TTC7B: variants seen among roughly 807,000 people sequenced by gnomAD.
The protein encoded by TTC7B is tetratricopeptide repeat protein 7B.
Under a neutral mutation model 106.8 loss-of-function variants are expected in TTC7B, and 28 were observed. That is an observed-to-expected ratio of 0.26 (90% CI 0.19 to 0.36). The LOEUF (loss-of-function observed/expected upper bound fraction) is 0.36. Among genes scored for constraint, TTC7B ranks in the 10% least tolerant of loss-of-function variants. The probability of loss-of-function intolerance (pLI) is 1.00; values close to 1 mark genes in which losing one functional copy is unlikely to be tolerated. For synonymous variants in TTC7B, 405 were observed against 430.6 expected, an observed-to-expected ratio of 0.94 and a Z score of 0.74; for missense variants, 862 against 1,076.4, an observed-to-expected ratio of 0.80 and a Z score of 2.79.
At position 90,525,205 on chromosome 14, in the gene TTC7B, C is replaced by T. The variant is rs919914932; in HGVS notation, c.*16163G>A. On this transcript the variant is annotated 3_prime_UTR_variant, in exon 20 of 20. Transcript: ENST00000328459. The stretch of plus-strand genomic sequence containing the variant: ...TTTCTATAAATGGAATCACACAGCA[C>T]GTTCTTTTTTGACTGGCTCCTTCAA... 5 of 152,086 alleles carry T rather than the reference C, an allele frequency of 3.3e-5. No individual in the cohort carries two copies. The highest frequency in any genetic ancestry group is 7.2e-5 in the African/African-American group (3 of 41,386). 9.4% of individuals were successfully genotyped at this position (152,086 alleles called of 1,614,324 possible). A position where few individuals can be genotyped will look rare whatever the true frequency, so the allele number is the denominator to read the frequency against.
intron 5 of TTC7B, among the ~76,000 whole-genome samples, chr14:90,726,038 C>T (rs777612549): frequency 6.6e-6 from 1 of 152,166 alleles, no homozygotes; most frequent in Non-Finnish European, 1.5e-5. Context: ...CCCAGGAGTT[C>T]GAGGCTGCAG....
chr14:90,708,199 T>C (rs1888293482), intron 5 of TTC7B, among the ~76,000 whole-genome samples: 1 of 145,934 alleles, frequency 6.9e-6, no homozygotes, highest in Admixed American at 6.8e-5. Context: ...AGTGTTGATA[T>C]AGAAGCTACA....
chr14:90,603,771 TG>T (rs1233937721), intron 17 of TTC7B, among the ~76,000 whole-genome samples: 3 of 152,194 alleles, frequency 2.0e-5, no homozygotes. Context: ...ACGGAAAAGT[TG>T]GGACTTAAAA....
At chr14:90,546,610 C>T (rs1889843097) in intron 19 of TTC7B, among the ~76,000 whole-genome samples, 1 of 152,250 alleles carries the variant, frequency 6.6e-6, no homozygotes, top group South Asian at 2.1e-4. Flanking sequence ...CAAGCAGCCA[C>T]ACTGCCCCCA....
chr14:90,736,167 TAC>T (rs1555394640), intron 4 of TTC7B, among the ~76,000 whole-genome samples: 37 of 152,194 alleles, frequency 2.4e-4, no homozygotes, highest in African/African-American at 7.9e-4. Flanking sequence ...TATATATATA[TAC>T]CACAATGAAC....
At chr14:90,551,236 T>G (rs557011797) in intron 19 of TTC7B, among the ~76,000 whole-genome samples, 1 of 152,310 alleles carries the variant, frequency 6.6e-6, no homozygotes, top group African/African-American at 2.4e-5. Flanking sequence ...GGGCTGAGTC[T>G]GGAAAGCCTG....
At chr14:90,626,373 T>C (rs1884441491) in intron 15 of TTC7B, among the ~76,000 whole-genome samples, 1 of 152,182 alleles carries the variant, frequency 6.6e-6, no homozygotes, top group Admixed American at 6.5e-5. Flanking sequence ...AACAGAATGC[T>C]TCCTTCCTTC....
At chr14:90,712,734 C>CT (rs138131556) in intron 5 of TTC7B, among the ~76,000 whole-genome samples, 3,009 of 149,072 alleles carry the variant, frequency 0.02, 93 homozygotes, top group African/African-American at 0.071. Flanking sequence ...CGCTGGCAGG[C>CT]TTTTTTTTTT....
At chr14:90,629,805 C>T (rs1304335102) in intron 15 of TTC7B, among the ~76,000 whole-genome samples, 1 of 152,260 alleles carries the variant, frequency 6.6e-6, no homozygotes, top group Non-Finnish European at 1.5e-5. Context: ...CCTCTCCCAG[C>T]TGCTCGGCTT....
In TTC7B at chr14:90,793,161, C is replaced by T. The variant is rs186823958; in HGVS notation, c.122-6833G>A. Among the ~76,000 whole-genome samples the T allele has an allele frequency of 5.9e-5, 9 of 152,236 alleles. No individual in the cohort carries two copies. The East Asian group carries it at 1.4e-3, about 23-fold the overall frequency. On this transcript the variant is annotated intron_variant, in intron 1 of 19. Transcript: ENST00000328459. ...CCTTCTGAAGAAAGTCCTTGCTTCC[C>T]ATTTACCTTCCACCATGACTGTGAG...
chr14:90,542,196 C>T (rs1355104806), intron 19 of TTC7B, among the ~76,000 whole-genome samples: 1 of 152,184 alleles, frequency 6.6e-6, no homozygotes, highest in Non-Finnish European at 1.5e-5. Flanking sequence ...ACCTCGGCCT[C>T]CCAAAGTGCT....
chr14:90,635,921 A>G (rs572983308), intron 15 of TTC7B, among the ~76,000 whole-genome samples: 1 of 152,088 alleles, frequency 6.6e-6, no homozygotes, highest in East Asian at 1.9e-4. Flanking sequence ...GGAGTTCGAG[A>G]CCAGCCTGGC....
At chr14:90,786,673 G>A (rs1408714095) in intron 1 of TTC7B, among the ~76,000 whole-genome samples, 5 of 151,922 alleles carry the variant, frequency 3.3e-5, no homozygotes, top group African/African-American at 9.7e-5. Context: ...TCCACCTCCC[G>A]GGTTCAAGCG....
intron 3 of TTC7B, among the ~76,000 whole-genome samples, chr14:90,755,529 C>CAGCT (rs1162980518): frequency 1.3e-5 from 2 of 152,034 alleles, no homozygotes; most frequent in African/African-American, 4.8e-5. Context: ...CATGGTAGTG[C>CAGCT]ACACATGTAG....
At chr14:90,546,538 C>T (rs993562490) in intron 19 of TTC7B, among the ~76,000 whole-genome samples, 2 of 152,174 alleles carry the variant, frequency 1.3e-5, no homozygotes, top group Non-Finnish European at 2.9e-5. Flanking sequence ...CAGCTTGGGG[C>T]CTTCCTGCTA....
chr14:90,780,892 T>G lies in TTC7B; in HGVS notation c.291A>C (p.Gln97His). The G allele has an allele frequency of 6.2e-7, 1 of 1,614,156 alleles. No homozygotes were observed. Among genetic ancestry groups the G allele is most frequent in the Non-Finnish European group, 8.5e-7 (1 of 1,179,990 alleles). Residue 97 changes from glutamine to histidine, a missense_variant, in exon 3 of 20, where the codon CAA becomes CAC. Gln to His is a conservative substitution (Grantham distance 24). Transcript: ENST00000328459. ...ACTTGGCCATGATCAGATTGGATTC[T>G]TGTAGGAATTCTGACTAGAAGCAAA... Reference protein sequence around the residue: ...DRGNLKSEFLQESNLIMAKLN... With the variant: ...DRGNLKSEFLHESNLIMAKLN...
chr14:90,696,212 T>C (rs1045263266), intron 5 of TTC7B, among the ~76,000 whole-genome samples: 8 of 152,122 alleles, frequency 5.3e-5, no homozygotes, highest in African/African-American at 1.9e-4. Flanking sequence ...GCACACCTCA[T>C]CTCGCTGCCA....
intron 9 of TTC7B, among the ~76,000 whole-genome samples, chr14:90,666,631 C>A (rs1276634715): frequency 2.0e-5 from 3 of 152,214 alleles, no homozygotes; most frequent in Non-Finnish European, 4.4e-5. Flanking sequence ...GACATCAAAG[C>A]TTGCTCAAGT....
At chr14:90,640,401 A>G (rs932280016) in intron 15 of TTC7B, among the ~76,000 whole-genome samples, 1 of 152,238 alleles carries the variant, frequency 6.6e-6, no homozygotes, top group African/African-American at 2.4e-5. Flanking sequence ...GACAGGATAC[A>G]GAGAAAAATC....
Sources: allele counts gnomAD v4.1 joint callset (sites outside exome capture counted in the v4.1 genomes callset), GRCh38; gene constraint gnomAD v4.1.1; transcripts MANE v1.5; gene names NCBI Gene and HGNC (gene_info 2026-07-23, HGNC 2026-07-21).